Variants in ZNF407 observed in about 807,000 individuals in gnomAD.
ZNF407 encodes the protein zinc finger protein 407.
Under a neutral mutation model 131.2 loss-of-function variants are expected in ZNF407, and 17 were observed. The observed-to-expected ratio is 0.13, with a 90% CI of 0.09 to 0.19. ZNF407 has a LOEUF of 0.19. Ranked by LOEUF, ZNF407 falls within the 10% of genes least tolerant of loss-of-function variation. The probability of loss-of-function intolerance (pLI) is 1.00; values close to 1 mark genes in which losing one functional copy is unlikely to be tolerated. For synonymous variants in ZNF407, 1,156 were observed against 1,062.0 expected (o/e 1.09, Z -1.72); for missense variants, 2,681 against 2,830.6 (o/e 0.95, Z 1.20).
At chr18:74,877,849 C>T (rs1043708888) in intron 5 of ZNF407, among the ~76,000 whole-genome samples, 1 of 152,160 alleles carries the variant, frequency 6.6e-6, no homozygotes, top group African/African-American at 2.4e-5. Flanking sequence ...GAGGAGGATA[C>T]TGTCAGATCC....
At chr18:75,003,497 G>T (rs1972871873) in intron 8 of ZNF407, among the ~76,000 whole-genome samples, 1 of 152,180 alleles carries the variant, frequency 6.6e-6, no homozygotes, top group South Asian at 2.1e-4. Context: ...ATTTTTTAGG[G>T]CAGTCCCTTC....
At chr18:74,821,217 A>G (rs999521080) in intron 4 of ZNF407, among the ~76,000 whole-genome samples, 2 of 151,910 alleles carry the variant, frequency 1.3e-5, no homozygotes, top group Admixed American at 1.3e-4. Context: ...GTATTTTGCA[A>G]AGTCTTAATT....
chr18:75,040,291 C>G (rs8083030), intron 8 of ZNF407, among the ~76,000 whole-genome samples: 145,418 of 152,176 alleles, frequency 0.96, 69,824 homozygotes, highest in East Asian at 1. Context: ...TGTGAGTAGG[C>G]TGTTGATATT....
At chr18:74,626,725 A>T (rs1983801802) in intron 1 of ZNF407, among the ~76,000 whole-genome samples, 1 of 152,252 alleles carries the variant, frequency 6.6e-6, no homozygotes, top group African/African-American at 2.4e-5. Flanking sequence ...CTACTCACAC[A>T]TGCAGTAAAA....
intron 3 of ZNF407, among the ~76,000 whole-genome samples, chr18:74,718,844 A>G (rs1463213560): frequency 6.6e-6 from 1 of 152,174 alleles, no homozygotes; most frequent in Admixed American, 6.5e-5. Context: ...TATGAAAGGA[A>G]ATAACTTTAT....
rs1266313045 is a variant in ZNF407, at chr18:74,724,375, T to A, written c.4803-57053T>A. Among the ~76,000 whole-genome samples the A allele has an allele frequency of 2.0e-5, 3 of 152,284 alleles. No individual in the cohort carries two copies. The South Asian group carries it at 6.2e-4, about 32-fold the overall frequency. On this transcript the variant is annotated intron_variant, in intron 3 of 8. Coordinates refer to ENST00000299687, the MANE Select transcript of ZNF407 (RefSeq NM_017757.3). Reference sequence around the variant, plus strand: ...ATCTTCTTTTCTAGGTATTTTGAAATACACTATTATTAACTATAGTCATTC... The same window carrying A: ...ATCTTCTTTTCTAGGTATTTTGAAAAACACTATTATTAACTATAGTCATTC...
chr18:74,640,431 A>C (rs1192541579), intron 2 of ZNF407, among the ~76,000 whole-genome samples: 1 of 152,168 alleles, frequency 6.6e-6, no homozygotes, highest in African/African-American at 2.4e-5. Flanking sequence ...AAAAGCATAA[A>C]AATTTATCTA....
At chr18:74,676,437 ATTTTT>A (rs1178240160) in intron 3 of ZNF407, among the ~76,000 whole-genome samples, 1 of 119,682 alleles carries the variant, frequency 8.4e-6, no homozygotes, top group Admixed American at 8.9e-5. Flanking sequence ...GTGATATAGC[ATTTTT>A]TTTTTTTTTT....
chr18:74,700,431 GTATCAGAGGTGTGATGTCAC>G (rs1248377392), intron 3 of ZNF407, among the ~76,000 whole-genome samples: 3 of 152,184 alleles, frequency 2.0e-5, no homozygotes, highest in Non-Finnish European at 4.4e-5. Flanking sequence ...TTCGCAAAGA[GTATCAGAGGTGTGATGTCAC>G]TGCATGGTGA....
At chr18:74,795,651 C>T (rs1969905473) in intron 4 of ZNF407, among the ~76,000 whole-genome samples, 1 of 152,170 alleles carries the variant, frequency 6.6e-6, no homozygotes, top group Admixed American at 6.5e-5. Context: ...ATGAACTAAA[C>T]CACCAGTTCA....
chr18:74,938,426 TGA>T, intron 8 of ZNF407, among the ~76,000 whole-genome samples: 1 of 152,310 alleles, frequency 6.6e-6, no homozygotes, highest in East Asian at 1.9e-4. Flanking sequence ...ACTCTGACTG[TGA>T]TATTAACCTT....
At chr18:74,718,953 C>G (rs1457922674) in intron 3 of ZNF407, among the ~76,000 whole-genome samples, 1 of 152,086 alleles carries the variant, frequency 6.6e-6, no homozygotes, top group Non-Finnish European at 1.5e-5. Context: ...TATATCTTCT[C>G]TAGTCTTCTT....
chr18:75,062,894 T>C (rs1204600912), intron 8 of ZNF407: 1 of 358,978 alleles, frequency 2.8e-6, no homozygotes, highest in Non-Finnish European at 5.0e-6. Context: ...AAGAGTTGTA[T>C]TGGACAGCTC....
In ZNF407 at chr18:74,716,443, G is replaced by C. The variant is rs369796038; in HGVS notation, c.4803-64985G>C. ...GGTACATCAGTTTTATTTATTAATG[G>C]AGGCGGGTTCACAAATGCTGAGGTT... On this transcript the variant is annotated intron_variant, in intron 3 of 8. Transcript: ENST00000299687. Among the ~76,000 whole-genome samples the C allele has an allele frequency of 8.5e-5, 13 of 152,250 alleles. No individual in the cohort carries two copies. In the East Asian group the frequency reaches 2.1e-3, roughly 25 times the overall value.
At chr18:74,861,457 T>G (rs1180934782) in intron 4 of ZNF407, among the ~76,000 whole-genome samples, 1 of 152,230 alleles carries the variant, frequency 6.6e-6, no homozygotes, top group East Asian at 1.9e-4. Context: ...TAAGGCTATG[T>G]TAGTGTCAGT....
At chr18:74,996,536 G>A (rs1972782670) in intron 8 of ZNF407, among the ~76,000 whole-genome samples, 1 of 152,204 alleles carries the variant, frequency 6.6e-6, no homozygotes, top group Admixed American at 6.5e-5. Flanking sequence ...CAAAAGGCAG[G>A]GCTCTGATTT....
At chr18:74,962,894 G>T (rs925145879) in intron 8 of ZNF407, among the ~76,000 whole-genome samples, 3 of 152,238 alleles carry the variant, frequency 2.0e-5, no homozygotes, top group Admixed American at 1.3e-4. Flanking sequence ...ACAAATGAAT[G>T]AATGAATGCT....
intron 7 of ZNF407, among the ~76,000 whole-genome samples, chr18:74,897,243 T>C (rs2554134): frequency 0.98 from 148,959 of 152,332 alleles, 72,926 homozygotes; most frequent in East Asian, 1. Context: ...ATAGATTCCA[T>C]AGCATTAAAA....
chr18:74,719,117 G>A (rs1213658444), intron 3 of ZNF407, among the ~76,000 whole-genome samples: 1 of 152,096 alleles, frequency 6.6e-6, no homozygotes, highest in Non-Finnish European at 1.5e-5. Context: ...AACATAAAAT[G>A]TATAGTGATC....
Sources: allele counts gnomAD v4.1 joint callset (sites outside exome capture counted in the v4.1 genomes callset), GRCh38; gene constraint gnomAD v4.1.1; transcripts MANE v1.5; gene names NCBI Gene and HGNC (gene_info 2026-07-23, HGNC 2026-07-21).